Variants in DERA observed in about 807,000 individuals in gnomAD.
The protein encoded by DERA is deoxyribose-phosphate aldolase, also known as 2-deoxy-D-ribose 5-phosphate aldolase.
Under a neutral mutation model 41.1 loss-of-function variants are expected in DERA, and 15 were observed. That is an observed-to-expected ratio of 0.37 (90% CI 0.24 to 0.56). The LOEUF (loss-of-function observed/expected upper bound fraction) is 0.56, where lower values mean the gene tolerates loss of function less well. Among genes scored for constraint, DERA ranks in the 20% least tolerant of loss-of-function variants. The pLI, the probability that DERA is intolerant of heterozygous loss-of-function variation, is 0.81. For synonymous variants in DERA, 139 were observed against 137.4 expected, an observed-to-expected ratio of 1.01 and a Z score of -0.08; for missense variants, 396 against 403.4, an observed-to-expected ratio of 0.98 and a Z score of 0.16.
Position 16,022,464 on chromosome 12 carries a change from T to C in DERA, c.638-10078T>C, listed in dbSNP as rs904124526. Among the ~76,000 whole-genome samples the C allele has an allele frequency of 1.3e-5, 2 of 152,202 alleles. 1 individual carries two copies. The highest frequency in any genetic ancestry group is 4.1e-4 in the South Asian group (2 of 4,836). ...AATGCAATAATGGACTAACACAGCA[T>C]ATGTTCAGAAACACCATAACTACCA... is the stretch of plus-strand genomic sequence containing the variant. On this transcript the variant is annotated intron_variant, in intron 6 of 8. Transcript: ENST00000428559.
intron 7 of DERA, among the ~76,000 whole-genome samples, chr12:16,034,906 AT>A (rs1448361052): frequency 1.3e-5 from 2 of 152,074 alleles, no homozygotes; most frequent in Non-Finnish European, 2.9e-5. Context: ...CAACTAATTG[AT>A]TTTTTTGGCT....
chr12:16,007,125 A>G (rs1948915907), intron 6 of DERA, among the ~76,000 whole-genome samples: 1 of 151,126 alleles, frequency 6.6e-6, no homozygotes, highest in Admixed American at 6.6e-5. Flanking sequence ...TCATTGTAAA[A>G]CTTAGTTATG....
chr12:15,959,989 G>T lies in DERA; in HGVS notation c.373+65G>T. 1.7e-6 allele frequency: 2 copies of T among 1,163,052 alleles called. No individual in the cohort carries two copies. The highest frequency in any genetic ancestry group is 2.5e-6 in the Non-Finnish European group (2 of 805,020). 72.0% of individuals were successfully genotyped at this position (1,163,052 alleles called of 1,614,324 possible). On this transcript the variant is annotated intron_variant, in intron 4 of 8. Transcript: ENST00000428559. The surrounding 1 kb of genome is among the most constrained non-coding windows in gnomAD (Gnocchi z 4.5). ...TGTTTCCAGTTCTTCATACAATGGGGTATTATATGTAGGTTTGTACTATGA... is the reference window on the plus strand; with the variant it reads ...TGTTTCCAGTTCTTCATACAATGGGTTATTATATGTAGGTTTGTACTATGA...
rs1948817711 is a variant in DERA at position 15,993,736 on chromosome 12, G to T, written c.637+11300G>T. ...ATCCATGGAATAGATTTAAATTCAGGTCCCCAAGCAAAAATTTTATAAAGT... is the reference window on the plus strand; with the variant it reads ...ATCCATGGAATAGATTTAAATTCAGTTCCCCAAGCAAAAATTTTATAAAGT... On this transcript the variant is annotated intron_variant, in intron 6 of 8. Coordinates refer to ENST00000428559, the MANE Select transcript of DERA (RefSeq NM_015954.4). The surrounding 1 kb of genome is among the most constrained non-coding windows in gnomAD (Gnocchi z 4.4). Among the ~76,000 whole-genome samples, 1 of 151,982 alleles carries T rather than the reference G, an allele frequency of 6.6e-6. No individual in the cohort carries two copies. Among genetic ancestry groups the T allele is most frequent in the Non-Finnish European group, 1.5e-5 (1 of 68,006 alleles).
At position 15,992,488 on chromosome 12, in the gene DERA, G is replaced by A. The variant is rs560492414; in HGVS notation, c.637+10052G>A. On this transcript the variant is annotated intron_variant, in intron 6 of 8. Coordinates refer to ENST00000428559, the MANE Select transcript of DERA (RefSeq NM_015954.4). The surrounding 1 kb of genome is among the most constrained non-coding windows in gnomAD (Gnocchi z 4.3). ...AAGGAAGAACCAGGGAGAACTTTTT[G>A]CTTTGGTTTTGGGGTTGAAGAAAAA... 6.6e-6 allele frequency among the ~76,000 whole-genome samples: 1 copy of A among 152,202 alleles called. No homozygotes were observed. The highest frequency in any genetic ancestry group is 2.4e-5 in the African/African-American group (1 of 41,562).
At chr12:15,933,523 C>G (rs1169794591) in intron 1 of DERA, among the ~76,000 whole-genome samples, 1 of 152,134 alleles carries the variant, frequency 6.6e-6, no homozygotes, top group Non-Finnish European at 1.5e-5. Flanking sequence ...TCCAGTCTAT[C>G]TTATACACCA....
Position 15,982,515 on chromosome 12 carries a change from CTAT to C in DERA, c.637+85_637+87del. On this transcript the variant is annotated intron_variant, in intron 6 of 8. Coordinates refer to ENST00000428559, the MANE Select transcript of DERA (RefSeq NM_015954.4). This position sits in a 1 kb window ranked among gnomAD's most constrained non-coding sequence, Gnocchi z 4.0. The stretch of plus-strand genomic sequence containing the variant: ...AAATTAAGTAAGTGAAAGCATTTAG[CTAT>C]TATTAAACGTGCTAACCACTTGGAA... 9.0e-6 allele frequency: 13 copies of C among 1,447,088 alleles called. No homozygotes were observed. Among genetic ancestry groups the C allele is most frequent in the Non-Finnish European group, 1.2e-5 (13 of 1,082,530 alleles). 89.6% of individuals were successfully genotyped at this position (1,447,088 alleles called of 1,614,324 possible). A position where few individuals can be genotyped will look rare whatever the true frequency, so the allele number is the denominator to read the frequency against.
rs111711181 is a variant in DERA at position 16,008,305 on chromosome 12, C to G, written c.638-24237C>G. 3.1e-3 allele frequency among the ~76,000 whole-genome samples: 472 copies of G among 152,340 alleles called. 2 individuals carry two copies. Among genetic ancestry groups the G allele is most frequent in the African/African-American group, 0.011 (458 of 41,582 alleles). ...CACTTTTAGCTTTTCCTAATATTTCCTAATAGCTTTCTCAAATCTCTCCTG... is the reference window on the plus strand; with the variant it reads ...CACTTTTAGCTTTTCCTAATATTTCGTAATAGCTTTCTCAAATCTCTCCTG... On this transcript the variant is annotated intron_variant, in intron 6 of 8. Coordinates refer to ENST00000428559, the MANE Select transcript of DERA (RefSeq NM_015954.4). This position sits in a 1 kb window ranked among gnomAD's most constrained non-coding sequence, Gnocchi z 4.8.
In DERA at chr12:15,957,097, C is replaced by T. The variant is rs1740655306; in HGVS notation, c.129+64C>T. ...CAATGCATGGTCTCTTCCCTCAAGGCCACAATATTGAATTTCACTCAAGAT... is the reference window on the plus strand; with the variant it reads ...CAATGCATGGTCTCTTCCCTCAAGGTCACAATATTGAATTTCACTCAAGAT... On this transcript the variant is annotated intron_variant, in intron 2 of 8. Coordinates refer to ENST00000428559, the MANE Select transcript of DERA (RefSeq NM_015954.4). The surrounding 1 kb of genome is among the most constrained non-coding windows in gnomAD (Gnocchi z 4.8). The T allele has an allele frequency of 2.4e-6, 3 of 1,249,732 alleles. No homozygotes were observed. The highest frequency in any genetic ancestry group is 3.5e-6 in the Non-Finnish European group (3 of 857,514). 77.4% of individuals were successfully genotyped at this position (1,249,732 alleles called of 1,614,324 possible). A position where few individuals can be genotyped will look rare whatever the true frequency, so the allele number is the denominator to read the frequency against.
rs576110409 is a variant in DERA at position 16,011,676 on chromosome 12, C to T, written c.638-20866C>T. ...GGCATTTGCCTAACATAGCAAATCC[C>T]TTCATCAATAAGGTCAGCTATAGGA... On this transcript the variant is annotated intron_variant, in intron 6 of 8. Transcript: ENST00000428559. The surrounding 1 kb of genome is among the most constrained non-coding windows in gnomAD (Gnocchi z 4.7). 2.6e-5 allele frequency among the ~76,000 whole-genome samples: 4 copies of T among 152,116 alleles called. No individual in the cohort carries two copies. Among genetic ancestry groups the T allele is most frequent in the Non-Finnish European group, 5.9e-5 (4 of 68,018 alleles).
rs1338118224 is a variant in DERA, at chr12:15,924,041, AG to A, written c.31+12628del. On this transcript the variant is annotated intron_variant, in intron 1 of 8. Transcript: ENST00000428559. The surrounding 1 kb of genome is among the most constrained non-coding windows in gnomAD (Gnocchi z 5.0). Reference sequence around the variant, plus strand: ...GAAAATAATTGAGTTAGTGAGTAACAGCCAAATAATTCTATCCAGAAATATT... The same window carrying A: ...GAAAATAATTGAGTTAGTGAGTAACACCAAATAATTCTATCCAGAAATATT... Among the ~76,000 whole-genome samples, 1 of 152,220 alleles carries A rather than the reference AG, an allele frequency of 6.6e-6. No homozygotes were observed. Among genetic ancestry groups the A allele is most frequent in the Non-Finnish European group, 1.5e-5 (1 of 68,042 alleles).
Position 16,023,416 on chromosome 12 carries a change from C to A in DERA, c.638-9126C>A, listed in dbSNP as rs1022897912. 3.3e-4 allele frequency among the ~76,000 whole-genome samples: 49 copies of A among 150,634 alleles called. 1 individual carries two copies. Among genetic ancestry groups the A allele is most frequent in the African/African-American group, 1.2e-3 (47 of 40,798 alleles). ...TGTTCATGTTACCCAATATATCATG[C>A]ATAGCTTTCAACAAAAAATACATTG... On this transcript the variant is annotated intron_variant, in intron 6 of 8. Transcript: ENST00000428559.
intron 5 of DERA, among the ~76,000 whole-genome samples, chr12:15,978,157 C>A (rs1200903972): frequency 6.6e-6 from 1 of 152,184 alleles, no homozygotes; most frequent in African/African-American, 2.4e-5. Context: ...AGCCATCAAG[C>A]CACTTTGATT....
Position 15,941,270 on chromosome 12 carries a change from C to T in DERA, c.32-15666C>T, listed in dbSNP as rs186109008. ...TTGCATGATTGAGCTCAGGCCGGGGCTCAACTAGCTGCTATAGCAAATGGG... is the reference window on the plus strand; with the variant it reads ...TTGCATGATTGAGCTCAGGCCGGGGTTCAACTAGCTGCTATAGCAAATGGG... On this transcript the variant is annotated intron_variant, in intron 1 of 8. Transcript: ENST00000428559. This position sits in a 1 kb window ranked among gnomAD's most constrained non-coding sequence, Gnocchi z 4.5. 1.3e-5 allele frequency among the ~76,000 whole-genome samples: 2 copies of T among 152,218 alleles called. No individual in the cohort carries two copies. The highest frequency in any genetic ancestry group is 1.3e-4 in the Admixed American group (2 of 15,288).
rs1053861494 is a variant in DERA at position 15,948,794 on chromosome 12, G to A, written c.32-8142G>A. On this transcript the variant is annotated intron_variant, in intron 1 of 8. Transcript: ENST00000428559. ...GGCACTCTGATTTTTAGAATTTTCAGCTTTTCTGCTCTGTTTTTCCCCCAT... is the reference window on the plus strand; with the variant it reads ...GGCACTCTGATTTTTAGAATTTTCAACTTTTCTGCTCTGTTTTTCCCCCAT... Among the ~76,000 whole-genome samples, 8 of 152,170 alleles carry A rather than the reference G, an allele frequency of 5.3e-5. 1 individual carries two copies. Among genetic ancestry groups the A allele is most frequent in the Non-Finnish European group, 7.4e-5 (5 of 68,026 alleles).
At position 15,985,869 on chromosome 12, in the gene DERA, G is replaced by A. The variant is rs571838698; in HGVS notation, c.637+3433G>A. Among the ~76,000 whole-genome samples the A allele has an allele frequency of 9.2e-5, 14 of 152,206 alleles. No individual in the cohort carries two copies. The East Asian group carries it at 1.4e-3, about 15-fold the overall frequency. ...CAGATGTTAGAGCAAATGTCAGATC[G>A]AATTGGTTGATAATGTTTTTCAGAT... On this transcript the variant is annotated intron_variant, in intron 6 of 8. Coordinates refer to ENST00000428559, the MANE Select transcript of DERA (RefSeq NM_015954.4). The surrounding 1 kb of genome is among the most constrained non-coding windows in gnomAD (Gnocchi z 4.2).
At chr12:15,978,893 C>G (rs1424989749) in intron 5 of DERA, among the ~76,000 whole-genome samples, 1 of 152,214 alleles carries the variant, frequency 6.6e-6, no homozygotes, top group Non-Finnish European at 1.5e-5. Context: ...TTGTCCTTAT[C>G]TATTCGTGTG....
At chr12:15,914,784 A>AT (rs1176210436) in intron 1 of DERA, among the ~76,000 whole-genome samples, 5 of 151,656 alleles carry the variant, frequency 3.3e-5, no homozygotes, top group Non-Finnish European at 5.9e-5. Flanking sequence ...GGGATTTTGT[A>AT]TTTTTTTTCG....
chr12:16,032,251 T>C lies in DERA; in HGVS notation c.638-291T>C, dbSNP rs141786313. The stretch of plus-strand genomic sequence containing the variant: ...AAATTGTTTTTATTCATCTCAGTTA[T>C]GTATTAAATGAACCAACTTGATTTT... On this transcript the variant is annotated intron_variant, in intron 6 of 8. Coordinates refer to ENST00000428559, the MANE Select transcript of DERA (RefSeq NM_015954.4). 4.1e-4 allele frequency among the ~76,000 whole-genome samples: 62 copies of C among 152,324 alleles called. No homozygotes were observed. The East Asian group carries it at 8.3e-3, about 20-fold the overall frequency.
Sources: allele counts gnomAD v4.1 joint callset (sites outside exome capture counted in the v4.1 genomes callset), GRCh38; gene constraint gnomAD v4.1.1; non-coding constraint Gnocchi (gnomAD v3.1); transcripts MANE v1.5; gene names NCBI Gene and HGNC (gene_info 2026-07-23, HGNC 2026-07-21).